The following SORBS2 variants were observed in gnomAD, a reference collection of about 807,000 sequenced individuals.
The protein encoded by SORBS2 is sorbin and SH3 domain-containing protein 2.
In SORBS2, 46 loss-of-function variants were observed where a neutral mutation model predicts 97.7. That is an observed-to-expected ratio of 0.47 (90% CI 0.37 to 0.60). The LOEUF (loss-of-function observed/expected upper bound fraction) is 0.60, where lower values mean the gene tolerates loss of function less well. SORBS2 is among the 20% of genes least tolerant of loss of function. SORBS2 has a pLI of 0.00. For synonymous variants in SORBS2, 476 were observed against 473.4 expected (o/e 1.01, Z -0.07); for missense variants, 1,316 against 1,282.3 (o/e 1.03, Z -0.40).
At chr4:185,955,623 T>C (rs759060090) in intron 1 of SORBS2, among the ~76,000 whole-genome samples, 1 of 152,212 alleles carries the variant, frequency 6.6e-6, no homozygotes, top group Non-Finnish European at 1.5e-5. Context: ...AACACGCTGA[T>C]GACTTTCGGA....
chr4:185,597,221 T>C (rs1218430821), intron 12 of SORBS2, among the ~76,000 whole-genome samples: 1 of 152,214 alleles, frequency 6.6e-6, no homozygotes, highest in African/African-American at 2.4e-5. Flanking sequence ...CCATATAACC[T>C]TGGGGATGCC....
At chr4:185,827,995 CACCAT>C (rs1585262713) in intron 1 of SORBS2, among the ~76,000 whole-genome samples, 1 of 27,908 alleles carries the variant, frequency 3.6e-5, no homozygotes, top group East Asian at 3.9e-4. Flanking sequence ...TCATCATCAT[CACCAT>C]CATCATCATC....
At chr4:185,759,549 A>T (rs1342392235) in intron 2 of SORBS2, among the ~76,000 whole-genome samples, 1 of 152,162 alleles carries the variant, frequency 6.6e-6, no homozygotes, top group Non-Finnish European at 1.5e-5. Flanking sequence ...ATAGTGAATG[A>T]TGGTGAATGA....
chr4:185,938,152 C>G (rs1225067264), intron 1 of SORBS2, among the ~76,000 whole-genome samples: 1 of 151,706 alleles, frequency 6.6e-6, no homozygotes, highest in African/African-American at 2.4e-5. Flanking sequence ...CACCTGCCAC[C>G]ATGTCCAGCT....
chr4:185,790,610 T>G (rs1387894920), intron 1 of SORBS2, among the ~76,000 whole-genome samples: 2 of 152,202 alleles, frequency 1.3e-5, no homozygotes, highest in Non-Finnish European at 2.9e-5. Flanking sequence ...TTTACTCAAT[T>G]TATTTGTGCA....
chr4:185,739,353 A>G lies in SORBS2; in HGVS notation c.-198+35874T>C, dbSNP rs74930603. Among the ~76,000 whole-genome samples, 189 of 152,348 alleles carry G rather than the reference A, an allele frequency of 1.2e-3. 9 individuals carry two copies. The East Asian group carries it at 0.031, about 25-fold the overall frequency. ...AAATATTCATAGAGAAATGAATTGT[A>G]GGGCATTAACTCTTGCAAAACCACC... On this transcript the variant is annotated intron_variant, in intron 2 of 20. Coordinates refer to the SORBS2 transcript ENST00000284776.
chr4:185,875,619 C>T (rs561476671), intron 1 of SORBS2, among the ~76,000 whole-genome samples: 8 of 152,344 alleles, frequency 5.3e-5, no homozygotes, highest in South Asian at 4.1e-4. Flanking sequence ...TTTCAGGCAA[C>T]GCAGATGTGA....
At chr4:185,906,919 A>T (rs1308250064) in intron 1 of SORBS2, among the ~76,000 whole-genome samples, 2 of 152,178 alleles carry the variant, frequency 1.3e-5, no homozygotes, top group Non-Finnish European at 2.9e-5. Flanking sequence ...TGAGGTCAGG[A>T]GTTCAAGACC....
At chr4:185,738,054 G>T (rs1340559308) in intron 2 of SORBS2, among the ~76,000 whole-genome samples, 1 of 152,188 alleles carries the variant, frequency 6.6e-6, no homozygotes, top group African/African-American at 2.4e-5. Flanking sequence ...AATAATCACA[G>T]AATGTTTTTG....
In SORBS2 at chr4:185,913,833, G is replaced by C. The variant is rs185940452; in HGVS notation, c.-338+42363C>G. On this transcript the variant is annotated intron_variant, in intron 1 of 20. Coordinates refer to the SORBS2 transcript ENST00000284776. ...ATCCCAGGAAAATAAATTTGTTTTT[G>C]AGCTCTGAAGATCCAATATCTAAAA... 3.4e-4 allele frequency among the ~76,000 whole-genome samples: 51 copies of C among 152,144 alleles called. No homozygotes were observed. In the East Asian group the frequency reaches 9.5e-3, roughly 28 times the overall value.
Position 185,623,970 on chromosome 4 carries a change from C to T in SORBS2, c.1159G>A (p.Glu387Lys), listed in dbSNP as rs756295253. The change falls in exon 7 of 15, where the codon GAG becomes AAG. Residue 387 changes from glutamate (E) to lysine (K), a missense_variant. Physicochemically the swap from Glu to Lys is moderately conservative, Grantham distance 56. Transcript: ENST00000418609. The surrounding 1 kb of genome is among the most constrained non-coding windows in gnomAD (Gnocchi z 6.4). ...CGCAGCAGGTCCTTGTGCTGCTGCT[C>T]GCTCTCGTACTGCAGAATCCTGGAC... 3.7e-6 allele frequency: 6 copies of T among 1,614,124 alleles called. No individual in the cohort carries two copies. In the South Asian group the frequency reaches 4.4e-5, roughly 12 times the overall value.
chr4:185,809,489 A>G (rs1354658780), intron 1 of SORBS2, among the ~76,000 whole-genome samples: 1 of 140,730 alleles, frequency 7.1e-6, no homozygotes, highest in Non-Finnish European at 1.5e-5. Flanking sequence ...AAAATCTGAT[A>G]TAGTATGTTT....
chr4:185,826,062 C>T (rs1051631799), intron 1 of SORBS2, among the ~76,000 whole-genome samples: 1 of 152,190 alleles, frequency 6.6e-6, no homozygotes, highest in African/African-American at 2.4e-5. Flanking sequence ...TCCATTCAAG[C>T]AAAATCTAAG....
intron 1 of SORBS2, among the ~76,000 whole-genome samples, chr4:185,953,772 C>T (rs568833820): frequency 6.6e-5 from 10 of 152,288 alleles, no homozygotes; most frequent in Admixed American, 3.9e-4. Flanking sequence ...TAATTACACC[C>T]TTCTTATATT....
At chr4:185,738,067 C>T (rs1194143576) in intron 2 of SORBS2, among the ~76,000 whole-genome samples, 1 of 152,216 alleles carries the variant, frequency 6.6e-6, no homozygotes, top group Non-Finnish European at 1.5e-5. Context: ...TGTTTTTGTG[C>T]TGTCCACGCC....
At position 185,594,776 on chromosome 4, in the gene SORBS2, T is replaced by C. The variant is rs75320010; in HGVS notation, c.2797-841A>G. On this transcript the variant is annotated intron_variant, in intron 12 of 14. Transcript: ENST00000418609. Reference sequence around the variant, plus strand: ...ATATATAAACTCAGTGTAATTTATATTGACTACCTAAACTTTACCTTTTAG... The same window carrying C: ...ATATATAAACTCAGTGTAATTTATACTGACTACCTAAACTTTACCTTTTAG... Among the ~76,000 whole-genome samples, 350 of 152,314 alleles carry C rather than the reference T, an allele frequency of 2.3e-3. 1 individual carries two copies. The highest frequency in any genetic ancestry group is 8.0e-3 in the African/African-American group (334 of 41,584).
intron 1 of SORBS2, among the ~76,000 whole-genome samples, chr4:185,832,298 T>C (rs1275136025): frequency 6.6e-6 from 1 of 152,204 alleles, no homozygotes; most frequent in Non-Finnish European, 1.5e-5. Flanking sequence ...ATAAAAAAGA[T>C]TGTATTATTT....
At chr4:185,955,935 C>T (rs1017833935) in intron 1 of SORBS2, among the ~76,000 whole-genome samples, 9 of 152,028 alleles carry the variant, frequency 5.9e-5, no homozygotes, top group Non-Finnish European at 1.3e-4. Flanking sequence ...TTGTAACCAG[C>T]TTACCTTCGC....
chr4:185,665,681 A>C (rs908894242), intron 4 of SORBS2: 3 of 869,874 alleles, frequency 3.4e-6, no homozygotes, highest in African/African-American at 3.6e-5. Flanking sequence ...ATGGCACAAC[A>C]AATCAGTCCT....
Sources: gnomAD v4.1 joint callset for allele counts (sites outside exome capture counted in the v4.1 genomes callset) on GRCh38, gnomAD v4.1.1 for gene constraint, Gnocchi (gnomAD v3.1) non-coding constraint, MANE v1.5 for transcripts, NCBI Gene and HGNC (gene_info 2026-07-23, HGNC 2026-07-21) for gene names.